Variants in SLC24A3 observed in about 807,000 individuals in gnomAD.
SLC24A3 encodes solute carrier family 24 member 3, also known as sodium/potassium/calcium exchanger 3.
Under a neutral mutation model 75.8 loss-of-function variants are expected in SLC24A3, and 28 were observed. The ratio of observed to expected loss-of-function variants is 0.37; its 90% CI spans 0.27 to 0.51. The LOEUF (loss-of-function observed/expected upper bound fraction) is 0.51. SLC24A3 is among the 20% of genes least tolerant of loss of function. The pLI, the probability that SLC24A3 is intolerant of heterozygous loss-of-function variation, is 0.94. For missense variants in SLC24A3, 663 were observed against 847.8 expected (o/e 0.78, Z 2.71); for synonymous variants, 372 against 334.1 (o/e 1.11, Z -1.24).
chr20:19,658,189 G>A (rs928708811), intron 7 of SLC24A3, among the ~76,000 whole-genome samples: 1 of 152,172 alleles, frequency 6.6e-6, no homozygotes, highest in Non-Finnish European at 1.5e-5. Context: ...ACAAACCATG[G>A]GGCCTGGAGA....
intron 2 of SLC24A3, among the ~76,000 whole-genome samples, chr20:19,421,026 C>T (rs1986909254): frequency 1.6e-4 from 1 of 6,330 alleles, no homozygotes. Flanking sequence ...TTCCTTACAC[C>T]TTATACAAAA....
At chr20:19,389,583 G>C (rs751972338) in intron 2 of SLC24A3, among the ~76,000 whole-genome samples, 1 of 151,966 alleles carries the variant, frequency 6.6e-6, no homozygotes, top group Non-Finnish European at 1.5e-5. Context: ...TTTCTGGTGA[G>C]AAATCTTCTG....
chr20:19,280,887 C>A, intron 1 of SLC24A3, 72 bp from the exon 2 acceptor site: 1 of 1,540,432 alleles, frequency 6.5e-7, no homozygotes, highest in South Asian at 1.2e-5. Context: ...ATCAGGGCAG[C>A]GGGCATGCAG....
At chr20:19,645,988 G>A (rs2032132282) in intron 6 of SLC24A3, among the ~76,000 whole-genome samples, 1 of 152,082 alleles carries the variant, frequency 6.6e-6, no homozygotes, top group Non-Finnish European at 1.5e-5. Context: ...TTGGGAAGTC[G>A]AGGCTGCAGT....
At chr20:19,266,973 C>A (rs1212505593) in intron 1 of SLC24A3, among the ~76,000 whole-genome samples, 2 of 152,024 alleles carry the variant, frequency 1.3e-5, no homozygotes, top group Non-Finnish European at 2.9e-5. Flanking sequence ...ATTACATAAA[C>A]TTCAGGTCCC....
At chr20:19,720,180 G>A (rs1465075205) in intron 16 of SLC24A3, among the ~76,000 whole-genome samples, 1 of 152,256 alleles carries the variant, frequency 6.6e-6, no homozygotes, top group African/African-American at 2.4e-5. Flanking sequence ...ATGGTTGGCT[G>A]TAGCACTTGA....
At chr20:19,408,822 T>G (rs1986696720) in intron 2 of SLC24A3, among the ~76,000 whole-genome samples, 1 of 152,212 alleles carries the variant, frequency 6.6e-6, no homozygotes, top group Non-Finnish European at 1.5e-5. Context: ...CCTCTGGAAA[T>G]AAAGGACATC....
chr20:19,499,877 T>C (rs566783061), intron 2 of SLC24A3, among the ~76,000 whole-genome samples: 2 of 152,316 alleles, frequency 1.3e-5, no homozygotes, highest in South Asian at 4.1e-4. Flanking sequence ...TGTTTAGGGA[T>C]GTAGCCTGAT....
At chr20:19,244,287 GGCT>G in intron 1 of SLC24A3, 1 of 152,348 alleles carries the variant, frequency 6.6e-6, no homozygotes, top group Non-Finnish European at 1.5e-5. Flanking sequence ...AATGCCGAGA[GGCT>G]GCTGGGAAGA....
chr20:19,685,476 T>C, intron 12 of SLC24A3, 115 bp downstream of exon 12: 2 of 1,483,814 alleles, frequency 1.3e-6, no homozygotes, highest in East Asian at 4.6e-5. Flanking sequence ...TGTATGAACA[T>C]GAGACTATGT....
intron 7 of SLC24A3, among the ~76,000 whole-genome samples, chr20:19,662,340 C>T (rs1223008779): frequency 6.6e-6 from 1 of 152,226 alleles, no homozygotes; most frequent in Non-Finnish European, 1.5e-5. Context: ...AAGTGCAACT[C>T]ATCGTTGAGG....
chr20:19,582,509 G>A (rs1245861604), intron 4 of SLC24A3, among the ~76,000 whole-genome samples: 2 of 152,336 alleles, frequency 1.3e-5, no homozygotes, highest in Non-Finnish European at 1.5e-5. Flanking sequence ...GCAAAGAAAA[G>A]AAAATGGGAG....
chr20:19,493,385 C>T (rs561553816), intron 2 of SLC24A3, among the ~76,000 whole-genome samples: 6 of 152,094 alleles, frequency 3.9e-5, no homozygotes, highest in Admixed American at 1.3e-4. Flanking sequence ...ATAAGCAAAC[C>T]GGGTGAACAC....
chr20:19,255,685 G>A (rs1982793570), intron 1 of SLC24A3, among the ~76,000 whole-genome samples: 1 of 152,218 alleles, frequency 6.6e-6, no homozygotes, highest in African/African-American at 2.4e-5. Context: ...GGAGCCATGA[G>A]CCACACATGG....
At chr20:19,684,375 G>C in intron 11 of SLC24A3, 39 bp downstream of exon 11, 3 of 1,583,660 alleles carry the variant, frequency 1.9e-6, no homozygotes, top group Non-Finnish European at 2.6e-6. Context: ...ACTGGACAGG[G>C]GTGGGAAACT....
intron 6 of SLC24A3, among the ~76,000 whole-genome samples, chr20:19,617,983 GTTTTTGT>G (rs1259010902): frequency 6.6e-6 from 1 of 151,046 alleles, no homozygotes; most frequent in Non-Finnish European, 1.5e-5. Flanking sequence ...GTTTTGTTGT[GTTTTTGT>G]TTTTTGTTTT....
At chr20:19,594,012 C>T (rs1251202775) in intron 6 of SLC24A3, among the ~76,000 whole-genome samples, 2 of 152,214 alleles carry the variant, frequency 1.3e-5, no homozygotes, top group East Asian at 1.9e-4. Flanking sequence ...CATCTCCACA[C>T]CTGCCCTTTC....
At chr20:19,532,461 G>C (rs914501650) in intron 3 of SLC24A3, among the ~76,000 whole-genome samples, 1 of 152,222 alleles carries the variant, frequency 6.6e-6, no homozygotes, top group African/African-American at 2.4e-5. Flanking sequence ...CCCCATCTTG[G>C]AAATGAGCCC....
chr20:19,515,765 T>A (rs1199487440), intron 3 of SLC24A3, among the ~76,000 whole-genome samples: 3 of 152,196 alleles, frequency 2.0e-5, no homozygotes, highest in Admixed American at 1.3e-4. Context: ...AGCCATCTGT[T>A]ATGCACTTTC....
Sources: gnomAD v4.1 joint callset for allele counts (sites outside exome capture counted in the v4.1 genomes callset) on GRCh38, gnomAD v4.1.1 for gene constraint, MANE v1.5 for transcripts, NCBI Gene and HGNC (gene_info 2026-07-23, HGNC 2026-07-21) for gene names.